RNF185: variants seen among roughly 807,000 people sequenced by gnomAD.
The protein encoded by RNF185 is ring finger protein 185, also known as E3 ubiquitin-protein ligase RNF185.
RNF185 carries 13 observed loss-of-function variants against 24.9 expected under a neutral mutation model. The ratio of observed to expected loss-of-function variants is 0.52; its 90% CI spans 0.34 to 0.83. The LOEUF is 0.83. RNF185 is among the 40% of genes least tolerant of loss of function. RNF185 has a pLI of 0.01. For synonymous variants in RNF185, 79 were observed against 90.3 expected, an observed-to-expected ratio of 0.88 and a Z score of 0.71; for missense variants, 184 against 244.7, an observed-to-expected ratio of 0.75 and a Z score of 1.65.
intron 1 of RNF185, among the ~76,000 whole-genome samples, chr22:31,164,311 C>T (rs1201944188): frequency 6.6e-6 from 1 of 152,164 alleles, no homozygotes; most frequent in Non-Finnish European, 1.5e-5. Context: ...TACTCTTATA[C>T]TAAACTTGCA....
chr22:31,204,226 C>T (rs1413306396), intron 6 of RNF185, among the ~76,000 whole-genome samples: 2 of 151,644 alleles, frequency 1.3e-5, no homozygotes, highest in Non-Finnish European at 2.9e-5. Context: ...ACCTGTAATC[C>T]CAGCTACTTA....
At chr22:31,183,661 T>G (rs1436956546) in intron 1 of RNF185, among the ~76,000 whole-genome samples, 1 of 152,202 alleles carries the variant, frequency 6.6e-6, no homozygotes, top group African/African-American at 2.4e-5. Flanking sequence ...ATTTAACCCT[T>G]AGTGGACACA....
chr22:31,190,757 C>G (rs77906727), intron 2 of RNF185, among the ~76,000 whole-genome samples: 6,434 of 151,944 alleles, frequency 0.042, 535 homozygotes, highest in East Asian at 0.39. Context: ...GCATGTGCCA[C>G]CACACATGGC....
chr22:31,186,084 T>C (rs949968623), intron 1 of RNF185, among the ~76,000 whole-genome samples: 13 of 152,228 alleles, frequency 8.5e-5, no homozygotes, highest in Non-Finnish European at 1.5e-4. Flanking sequence ...TTTTTACTTA[T>C]GGTAAGTATT....
chr22:31,166,031 G>T (rs1360969145), intron 1 of RNF185, among the ~76,000 whole-genome samples: 3 of 152,004 alleles, frequency 2.0e-5, no homozygotes, highest in African/African-American at 7.2e-5. Context: ...TTGCTCTGTT[G>T]CCCAGGCTGG....
At chr22:31,171,902 A>T (rs998452358) in intron 1 of RNF185, among the ~76,000 whole-genome samples, 93 of 152,158 alleles carry the variant, frequency 6.1e-4, no homozygotes, top group African/African-American at 1.9e-3. Context: ...TAGGAGGCGG[A>T]GGTTGCGGTG....
At chr22:31,204,422 G>A (rs541422975) in intron 6 of RNF185, 67 bp from the exon 7 acceptor site, 1 of 905,542 alleles carries the variant, frequency 1.1e-6, no homozygotes, top group South Asian at 1.3e-5. Flanking sequence ...TCAACTTCTG[G>A]CCTGAGTGGG....
chr22:31,196,760 A>G (rs1158791115), intron 4 of RNF185, among the ~76,000 whole-genome samples, 176 bp from the exon 5 acceptor site: 1 of 152,240 alleles, frequency 6.6e-6, no homozygotes, highest in Non-Finnish European at 1.5e-5. Flanking sequence ...ACGTGGGAAG[A>G]ACAGTTGCAG....
At chr22:31,198,927 T>A (rs2048235509) in intron 5 of RNF185, among the ~76,000 whole-genome samples, 1 of 150,498 alleles carries the variant, frequency 6.6e-6, no homozygotes, top group African/African-American at 2.4e-5. Flanking sequence ...AAACCCTGTC[T>A]CTGCTTTCTT....
At chr22:31,169,511 T>C (rs1924147762) in intron 1 of RNF185, among the ~76,000 whole-genome samples, 2 of 152,150 alleles carry the variant, frequency 1.3e-5, no homozygotes, top group Non-Finnish European at 1.5e-5. Flanking sequence ...GAGGCGGCCC[T>C]AATTGCTGCC....
Position 31,187,099 on chromosome 22 carries a change from C to A in RNF185, c.5C>A (p.Ala2Glu), listed in dbSNP as rs2048106763. The part of the protein sequence containing the change: M[A>E]SKGPSASASP... The stretch of plus-strand genomic sequence containing the variant: ...GAGCTTCGCTGACAGCCAAGGATGG[C>A]AAGCAAGGGGCCCTCGGCCTCTGCA... Residue 2 changes from alanine (A) to glutamate (E), a missense_variant, in exon 2 of 7, where the codon GCA becomes GAA. Ala to Glu is a moderately radical substitution (Grantham distance 107). Coordinates refer to ENST00000326132, the MANE Select transcript of RNF185 (RefSeq NM_152267.4). 2 of 1,604,326 alleles carry A rather than the reference C, an allele frequency of 1.2e-6. No homozygotes were observed. The highest frequency in any genetic ancestry group is 1.7e-6 in the Non-Finnish European group (2 of 1,176,356).
intron 5 of RNF185, among the ~76,000 whole-genome samples, chr22:31,200,031 GAA>G (rs1459165066): frequency 6.6e-6 from 1 of 152,060 alleles, no homozygotes; most frequent in African/African-American, 2.4e-5. Context: ...CAGGGGAAGA[GAA>G]AAAAATATTT....
rs903037385 is a variant in RNF185 at position 31,204,774 on chromosome 22, G to A, written c.*188G>A. On this transcript the variant is annotated 3_prime_UTR_variant, in exon 7 of 7. Coordinates refer to ENST00000326132, the MANE Select transcript of RNF185 (RefSeq NM_152267.4). Reference sequence around the variant, plus strand: ...CAGTTGGCGATGACCCCTGAATATCGCCACCGCTGTAAACACTCTATAACT... The same window carrying A: ...CAGTTGGCGATGACCCCTGAATATCACCACCGCTGTAAACACTCTATAACT... 6.3e-5 allele frequency: 36 copies of A among 575,544 alleles called. No individual in the cohort carries two copies. Among genetic ancestry groups the A allele is most frequent in the African/African-American group, 3.5e-4 (19 of 53,564 alleles). 35.7% of individuals were successfully genotyped at this position (575,544 alleles called of 1,614,324 possible).
At chr22:31,169,575 GTC>G (rs1924152878) in intron 1 of RNF185, among the ~76,000 whole-genome samples, 1 of 151,888 alleles carries the variant, frequency 6.6e-6, no homozygotes, top group Middle Eastern at 3.2e-3. Context: ...TAAAGACAGG[GTC>G]TCTCTGTCGC....
intron 1 of RNF185, among the ~76,000 whole-genome samples, chr22:31,180,958 T>TCTGC (rs71202047): frequency 2.6e-5 from 4 of 151,200 alleles, no homozygotes; most frequent in Non-Finnish European, 5.9e-5. Flanking sequence ...TGTGTGTGTG[T>TCTGC]CTGCCTGTCT....
At chr22:31,196,320 C>G (rs2048205389) in intron 4 of RNF185, among the ~76,000 whole-genome samples, 1 of 152,210 alleles carries the variant, frequency 6.6e-6, no homozygotes, top group African/African-American at 2.4e-5. Context: ...ACCACAGTGT[C>G]ATATGACTGG....
chr22:31,172,860 G>A lies in RNF185; in HGVS notation c.-49+12557G>A, dbSNP rs151195946. Among the ~76,000 whole-genome samples, 1,046 of 152,210 alleles carry A rather than the reference G, an allele frequency of 6.9e-3. 8 individuals carry two copies. The highest frequency in any genetic ancestry group is 8.6e-3 in the Non-Finnish European group (587 of 68,026). Reference sequence around the variant, plus strand: ...GCAGGTAAGGACACTGGCATAGTGAGTGACAGACCTGAGCCTTAGGCTAAG... The same window carrying A: ...GCAGGTAAGGACACTGGCATAGTGAATGACAGACCTGAGCCTTAGGCTAAG... On this transcript the variant is annotated intron_variant, in intron 1 of 6. Transcript: ENST00000326132.
intron 1 of RNF185, among the ~76,000 whole-genome samples, chr22:31,169,872 A>C (rs1339576426): frequency 6.6e-6 from 1 of 150,816 alleles, no homozygotes; most frequent in Non-Finnish European, 1.5e-5. Flanking sequence ...TCTACTCTGC[A>C]TCTGCTGTAG....
chr22:31,176,112 G>C (rs1019369619), intron 1 of RNF185, among the ~76,000 whole-genome samples: 1 of 152,116 alleles, frequency 6.6e-6, no homozygotes, highest in Non-Finnish European at 1.5e-5. Context: ...AAGGTGGCAA[G>C]TACATGTAAG....
Sources: gnomAD v4.1 joint callset for allele counts (sites outside exome capture counted in the v4.1 genomes callset) on GRCh38, gnomAD v4.1.1 for gene constraint, MANE v1.5 for transcripts, NCBI Gene and HGNC (gene_info 2026-07-23, HGNC 2026-07-21) for gene names.